Variants in LNP1 observed in about 807,000 individuals in gnomAD.
The protein encoded by LNP1 is leukemia NUP98 fusion partner 1.
Under a neutral mutation model 14.5 loss-of-function variants are expected in LNP1, and 12 were observed. The observed-to-expected ratio is 0.83, with a 90% CI of 0.53 to 1.34. LNP1 has a LOEUF of 1.34. Among genes scored for constraint, LNP1 ranks in the 40% most tolerant of loss-of-function variants. The pLI is 0.00. For synonymous variants in LNP1, 75 were observed against 71.4 expected, an observed-to-expected ratio of 1.05 and a Z score of -0.26; for missense variants, 198 against 210.9, an observed-to-expected ratio of 0.94 and a Z score of 0.38.
At chr3:100,440,306 T>C (rs926469940) in intron 2 of LNP1, among the ~76,000 whole-genome samples, 5 of 152,206 alleles carry the variant, frequency 3.3e-5, no homozygotes, top group Non-Finnish European at 7.3e-5. Flanking sequence ...TTTGGAGAGA[T>C]ATAGTTCAGC....
At chr3:100,436,796 C>G (rs1707298067) in intron 2 of LNP1, among the ~76,000 whole-genome samples, 1 of 152,070 alleles carries the variant, frequency 6.6e-6, no homozygotes, top group African/African-American at 2.4e-5. Flanking sequence ...GGAAATGGAG[C>G]CTTTGGGAGA....
chr3:100,450,548 G>A (rs1186261713), intron 2 of LNP1, among the ~76,000 whole-genome samples: 3 of 152,040 alleles, frequency 2.0e-5, no homozygotes, highest in African/African-American at 7.2e-5. Context: ...TGTTGGCCAG[G>A]CTGGTCTTGA....
intron 2 of LNP1, among the ~76,000 whole-genome samples, chr3:100,446,453 G>A (rs1487744091): frequency 6.6e-6 from 1 of 152,122 alleles, no homozygotes; most frequent in African/African-American, 2.4e-5. Flanking sequence ...ATTAATTCAA[G>A]ATGGATTAAA....
chr3:100,426,380 T>A (rs1382833247), intron 1 of LNP1, among the ~76,000 whole-genome samples: 1 of 152,214 alleles, frequency 6.6e-6, no homozygotes, highest in Non-Finnish European at 1.5e-5. Flanking sequence ...GATCTATGAA[T>A]TCAGGATTCC....
chr3:100,422,590 G>A (rs1707154493), intron 1 of LNP1, among the ~76,000 whole-genome samples: 1 of 152,200 alleles, frequency 6.6e-6, no homozygotes, highest in Non-Finnish European at 1.5e-5. Flanking sequence ...ATCTTTGGCA[G>A]ATGAGAATCA....
chr3:100,414,614 C>T (rs917943564), intron 1 of LNP1, among the ~76,000 whole-genome samples: 18 of 151,972 alleles, frequency 1.2e-4, no homozygotes, highest in African/African-American at 4.4e-4. Context: ...CAAGAGAGCC[C>T]CTCAGAGAGG....
chr3:100,402,985 T>C (rs1706927338), intron 1 of LNP1, among the ~76,000 whole-genome samples: 1 of 152,228 alleles, frequency 6.6e-6, no homozygotes, highest in Non-Finnish European at 1.5e-5. Context: ...AACGAATCTG[T>C]TCTGGTTACT....
intron 1 of LNP1, among the ~76,000 whole-genome samples, chr3:100,417,663 G>C (rs1194204044): frequency 1.3e-5 from 2 of 152,016 alleles, no homozygotes; most frequent in Non-Finnish European, 2.9e-5. Context: ...ACAGACGTGA[G>C]ACACCTCGCA....
At chr3:100,405,063 AT>A (rs1381845396) in intron 1 of LNP1, among the ~76,000 whole-genome samples, 1 of 152,140 alleles carries the variant, frequency 6.6e-6, no homozygotes, top group East Asian at 1.9e-4. Context: ...AAGTGCTGGG[AT>A]TACAGGCATG....
In LNP1 at chr3:100,456,188, A is replaced by C; in HGVS notation, c.*262A>C. The C allele has an allele frequency of 3.3e-6, 1 of 306,084 alleles. No individual in the cohort carries two copies. Among genetic ancestry groups the C allele is most frequent in the Non-Finnish European group, 6.0e-6 (1 of 167,012 alleles). The allele number at this position is 306,084 out of a possible 1,614,324, so 19.0% of individuals were successfully genotyped here. On this transcript the variant is annotated 3_prime_UTR_variant, in exon 4 of 4. Transcript: ENST00000383693. ...CTTTTTATGGGAATAAAGAGAATAA[A>C]AGGTATTTTAATAGAATAAAGAAAA...
chr3:100,449,896 CATG>C (rs1401348339), intron 2 of LNP1, among the ~76,000 whole-genome samples: 2 of 152,052 alleles, frequency 1.3e-5, no homozygotes, highest in East Asian at 3.8e-4. Context: ...CCCAGGCTGT[CATG>C]GTGGAAAAAA....
intron 1 of LNP1, among the ~76,000 whole-genome samples, chr3:100,406,993 A>G (rs1403570523): frequency 6.6e-6 from 1 of 152,160 alleles, no homozygotes; most frequent in African/African-American, 2.4e-5. Context: ...TGTGCTTTCA[A>G]TTTCACAATT....
rs911208462 is a variant in LNP1 at position 100,415,658 on chromosome 3, T to A, written c.-34+13219T>A. Among the ~76,000 whole-genome samples, 7 of 152,326 alleles carry A rather than the reference T, an allele frequency of 4.6e-5. No individual in the cohort carries two copies. In the South Asian group the frequency reaches 1.0e-3, roughly 23 times the overall value. On this transcript the variant is annotated intron_variant, in intron 1 of 3. Coordinates refer to ENST00000383693, the MANE Select transcript of LNP1 (RefSeq NM_001085451.2). ...TTTCACCTCTAGATAGACAACACAC[T>A]GCACACACAAGAAAACCTGTTTAGG...
At chr3:100,413,725 A>G (rs1707051420) in intron 1 of LNP1, among the ~76,000 whole-genome samples, 1 of 152,260 alleles carries the variant, frequency 6.6e-6, no homozygotes, top group Non-Finnish European at 1.5e-5. Flanking sequence ...CACTTTGCTC[A>G]GCACAGCCTT....
At chr3:100,412,042 G>A (rs909298789) in intron 1 of LNP1, among the ~76,000 whole-genome samples, 3 of 152,140 alleles carry the variant, frequency 2.0e-5, no homozygotes, top group African/African-American at 4.8e-5. Flanking sequence ...CAGAATACCC[G>A]AGGCTGGGTA....
chr3:100,421,653 T>C (rs1431238116), intron 1 of LNP1, among the ~76,000 whole-genome samples: 1 of 152,222 alleles, frequency 6.6e-6, no homozygotes, highest in Admixed American at 6.5e-5. Flanking sequence ...AATAATGTTA[T>C]GTGAACAAAC....
chr3:100,405,632 T>C (rs191739460), intron 1 of LNP1, among the ~76,000 whole-genome samples: 58 of 152,350 alleles, frequency 3.8e-4, no homozygotes, highest in African/African-American at 1.3e-3. Context: ...GCACTCATCC[T>C]ATTTTTAAGG....
At chr3:100,414,051 C>A (rs1707056982) in intron 1 of LNP1, among the ~76,000 whole-genome samples, 1 of 152,112 alleles carries the variant, frequency 6.6e-6, no homozygotes, top group South Asian at 2.1e-4. Flanking sequence ...AAAATAGTTT[C>A]TGTAACTATG....
At chr3:100,428,612 A>G (rs970481219) in intron 1 of LNP1, among the ~76,000 whole-genome samples, 15 of 152,144 alleles carry the variant, frequency 9.9e-5, no homozygotes, top group Admixed American at 6.5e-5. Context: ...GAGTTCCATA[A>G]ATGTAATATT....
Sources: gnomAD v4.1 joint callset for allele counts (sites outside exome capture counted in the v4.1 genomes callset) on GRCh38, gnomAD v4.1.1 for gene constraint, MANE v1.5 for transcripts, NCBI Gene and HGNC (gene_info 2026-07-23, HGNC 2026-07-21) for gene names.